Variants in AGO2 observed in about 807,000 individuals in gnomAD.
The protein encoded by AGO2 is protein argonaute-2.
AGO2 carries 5 observed loss-of-function variants against 102.3 expected under a neutral mutation model. That is an observed-to-expected ratio of 0.05 (90% CI 0.03 to 0.10). The LOEUF is 0.10. AGO2 is among the 10% of genes least tolerant of loss of function. The pLI, the probability that AGO2 is intolerant of heterozygous loss-of-function variation, is 1.00. For missense variants in AGO2, 541 were observed against 1,183.7 expected, an observed-to-expected ratio of 0.46 and a Z score of 7.97; for synonymous variants, 449 against 473.1, an observed-to-expected ratio of 0.95 and a Z score of 0.66.
Position 140,589,278 on chromosome 8 carries a change from A to T in AGO2, c.23-3967T>A, listed in dbSNP as rs1429342296. ...CAGACGTGTACCCTGAGGCGGGGAG[A>T]GCAGCTGCAGAAATTCAGAGTCATT... On this transcript the variant is annotated intron_variant, in intron 1 of 18. Transcript: ENST00000220592. The surrounding 1 kb of genome is among the most constrained non-coding windows in gnomAD (Gnocchi z 4.2). 6.6e-6 allele frequency among the ~76,000 whole-genome samples: 1 copy of T among 152,022 alleles called. No individual in the cohort carries two copies. Among genetic ancestry groups the T allele is most frequent in the Non-Finnish European group, 1.5e-5 (1 of 67,994 alleles).
At chr8:140,542,164 G>A (rs1202471037) in intron 14 of AGO2, among the ~76,000 whole-genome samples, 6 of 152,202 alleles carry the variant, frequency 3.9e-5, no homozygotes, top group South Asian at 4.1e-4. Flanking sequence ...CCAAGGGAGC[G>A]TGAGGGATGA....
At chr8:140,573,396 C>T (rs1564094702) in intron 2 of AGO2, among the ~76,000 whole-genome samples, 1 of 151,766 alleles carries the variant, frequency 6.6e-6, no homozygotes. Flanking sequence ...CCGGGCTGGT[C>T]TCAAACTCCC....
intron 13 of AGO2, among the ~76,000 whole-genome samples, chr8:140,546,367 G>A (rs1242344017): frequency 6.6e-6 from 1 of 152,354 alleles, no homozygotes; most frequent in East Asian, 1.9e-4. Flanking sequence ...GCTAGGGGTG[G>A]AAATTCCTGG....
upstream of AGO2, among the ~76,000 whole-genome samples, chr8:140,638,690 T>G (rs1344334798): frequency 6.6e-6 from 1 of 152,186 alleles, no homozygotes; most frequent in East Asian, 1.9e-4. Flanking sequence ...TCCTCCCACC[T>G]CAGCCTCCTG....
chr8:140,566,617 TTGG>T (rs1457943449), intron 3 of AGO2, among the ~76,000 whole-genome samples: 1 of 143,824 alleles, frequency 7.0e-6, no homozygotes, highest in East Asian at 2.1e-4. Context: ...TTTTTTTTTT[TTGG>T]GGGGGGGGAA....
intron 12 of AGO2, among the ~76,000 whole-genome samples, chr8:140,548,443 A>G (rs1588446069): frequency 6.6e-6 from 1 of 152,120 alleles, no homozygotes; most frequent in East Asian, 1.9e-4. Context: ...TGGCAGATGT[A>G]GACCTGACAT....
At chr8:140,638,400 T>G (rs768300411), upstream of AGO2, 1 of 152,164 alleles carries the variant, frequency 6.6e-6, no homozygotes, top group Non-Finnish European at 1.5e-5. Flanking sequence ...TGTAGCAAGG[T>G]GAGAAGAATC....
rs1051777376 is a variant in AGO2, at chr8:140,595,701, T to C, written c.23-10390A>G. Among the ~76,000 whole-genome samples, 13 of 134,030 alleles carry C rather than the reference T, an allele frequency of 9.7e-5. No individual in the cohort carries two copies. In the South Asian group the frequency reaches 2.8e-3, roughly 29 times the overall value. 87.9% of individuals were successfully genotyped at this position (134,030 alleles called of 152,430 possible). A position where few individuals can be genotyped will look rare whatever the true frequency, so the allele number is the denominator to read the frequency against. On this transcript the variant is annotated intron_variant, in intron 1 of 18. Transcript: ENST00000220592. ...GCCTGGCATATAAAATATATATAAT[T>C]ATATATAAATATTATATTATATAAT...
At chr8:140,549,612 G>A (rs943781699) in intron 11 of AGO2, among the ~76,000 whole-genome samples, 1 of 152,252 alleles carries the variant, frequency 6.6e-6, no homozygotes, top group Non-Finnish European at 1.5e-5. Context: ...CGGCTGTGGC[G>A]GCCCCAGGGC....
chr8:140,550,290 G>T (rs1386001296), intron 11 of AGO2, among the ~76,000 whole-genome samples: 1 of 152,224 alleles, frequency 6.6e-6, no homozygotes, highest in Non-Finnish European at 1.5e-5. Context: ...CACCTCACAG[G>T]CTGGAGTTCT....
Position 140,526,555 on chromosome 8 carries a change from T to C in AGO2, c.*5489A>G, listed in dbSNP as rs1280899306. On this transcript the variant is annotated 3_prime_UTR_variant, in exon 19 of 19. Transcript: ENST00000220592. The surrounding 1 kb of genome is among the most constrained non-coding windows in gnomAD (Gnocchi z 5.2). ...GAACTGAACAGATAGATGTTCACAA[T>C]TCAGTTTATTCAGGCAACATATTGG... 2.6e-5 allele frequency: 4 copies of C among 152,226 alleles called. No homozygotes were observed. The highest frequency in any genetic ancestry group is 9.7e-5 in the African/African-American group (4 of 41,444). The allele number at this position is 152,226 out of a possible 1,614,324, so 9.4% of individuals were successfully genotyped here.
intron 6 of AGO2, 42 bp downstream of exon 6, chr8:140,559,353 G>GC (rs755898971): frequency 2.0e-4 from 320 of 1,602,566 alleles, no homozygotes; most frequent in Non-Finnish European, 2.6e-4. Context: ...CCGGGAAGGG[G>GC]CCTCCCAGCC....
intron 4 of AGO2, 114 bp from the exon 5 acceptor site, chr8:140,560,624 C>G (rs1348936164): frequency 7.7e-7 from 1 of 1,299,282 alleles, no homozygotes; most frequent in Non-Finnish European, 1.1e-6. Context: ...GTTCCGTTTC[C>G]CCTCCTTTTA....
At chr8:140,587,768 T>C (rs919460629) in intron 1 of AGO2, among the ~76,000 whole-genome samples, 2 of 152,128 alleles carry the variant, frequency 1.3e-5, no homozygotes, top group East Asian at 3.8e-4. Context: ...ACACGGATGG[T>C]TCCAAAAGGG....
At chr8:140,617,538 C>G (rs1006947168) in intron 1 of AGO2, among the ~76,000 whole-genome samples, 1 of 152,200 alleles carries the variant, frequency 6.6e-6, no homozygotes, top group Non-Finnish European at 1.5e-5. Flanking sequence ...CAGACGTAAG[C>G]CACTGCGCCT....
chr8:140,594,811 CG>C lies in AGO2; in HGVS notation c.23-9501del, dbSNP rs533407439. On this transcript the variant is annotated intron_variant, in intron 1 of 18. Coordinates refer to ENST00000220592, the MANE Select transcript of AGO2 (RefSeq NM_012154.5). ...CTGACACAGTGAGAACCCGTCTCGA[CG>C]GAAAGAAAAAAACTGTGTGTGTGTG... is the stretch of plus-strand genomic sequence containing the variant. Among the ~76,000 whole-genome samples, 31 of 98,816 alleles carry C rather than the reference CG, an allele frequency of 3.1e-4. 1 individual carries two copies. The highest frequency in any genetic ancestry group is 1.1e-3 in the African/African-American group (29 of 25,622). 64.8% of individuals were successfully genotyped at this position (98,816 alleles called of 152,430 possible).
intron 11 of AGO2, 150 bp downstream of exon 11, chr8:140,551,153 G>A (rs548487817): frequency 9.1e-6 from 9 of 986,954 alleles, no homozygotes; most frequent in East Asian, 8.6e-5. Flanking sequence ...CCAATGGTAC[G>A]TGACAGGGAA....
chr8:140,600,479 G>A (rs1235616157), intron 1 of AGO2, among the ~76,000 whole-genome samples: 2 of 152,262 alleles, frequency 1.3e-5, no homozygotes, highest in South Asian at 4.1e-4. Context: ...TCGGGAGTTC[G>A]AGACCAGCCT....
intron 1 of AGO2, among the ~76,000 whole-genome samples, chr8:140,633,488 G>T (rs1260246422): frequency 2.0e-5 from 3 of 152,182 alleles, no homozygotes; most frequent in Non-Finnish European, 4.4e-5. Context: ...TCTCCAAAAA[G>T]CAGCGAGTGA....
Sources: gnomAD v4.1 joint callset for allele counts (sites outside exome capture counted in the v4.1 genomes callset) on GRCh38, gnomAD v4.1.1 for gene constraint, Gnocchi (gnomAD v3.1) non-coding constraint, MANE v1.5 for transcripts, NCBI Gene and HGNC (gene_info 2026-07-23, HGNC 2026-07-21) for gene names.